CDC42SE2: variants seen among roughly 807,000 people sequenced by gnomAD.
CDC42SE2 encodes the protein CDC42 small effector 2, also known as CDC42 small effector protein 2.
A neutral mutation model predicts 11.5 loss-of-function variants in CDC42SE2; 3 were observed. That is an observed-to-expected ratio of 0.26 (90% CI 0.12 to 0.67). The LOEUF (loss-of-function observed/expected upper bound fraction) is 0.67. CDC42SE2 is among the 30% of genes least tolerant of loss of function. The pLI is 0.80. For missense variants in CDC42SE2, 82 were observed against 106.8 expected, an observed-to-expected ratio of 0.77 and a Z score of 1.02; for synonymous variants, 33 against 34.8, an observed-to-expected ratio of 0.95 and a Z score of 0.18.
At chr5:131,231,660 C>A in the CDC42SE2 span, among the ~76,000 whole-genome samples, 1 of 152,080 alleles carries the variant, frequency 6.6e-6, no homozygotes, top group Admixed American at 6.6e-5. Flanking sequence ...ATTGTGATTT[C>A]TGATGTATTT....
At chr5:131,214,494 T>C in the CDC42SE2 span, among the ~76,000 whole-genome samples, 4 of 152,182 alleles carry the variant, frequency 2.6e-5, no homozygotes, top group African/African-American at 9.7e-5. Flanking sequence ...ATGTAGCCTT[T>C]TTTTTCCCCT....
At chr5:131,236,449 C>G in the CDC42SE2 span, among the ~76,000 whole-genome samples, 22 of 151,858 alleles carry the variant, frequency 1.4e-4, no homozygotes, top group Non-Finnish European at 2.8e-4. Flanking sequence ...TTTTTTGAGA[C>G]GGAGTCTTGC....
chr5:131,210,711 G>A, the CDC42SE2 span, among the ~76,000 whole-genome samples: 1 of 152,114 alleles, frequency 6.6e-6, no homozygotes, highest in African/African-American at 2.4e-5. Context: ...GGTATTCTAG[G>A]TAGAGGTTTT....
rs374599857 is a variant in CDC42SE2 at position 131,366,081 on chromosome 5, A to T, written c.54+6534A>T. Among the ~76,000 whole-genome samples the T allele has an allele frequency of 2.0e-5, 3 of 152,220 alleles. No individual in the cohort carries two copies. The South Asian group carries it at 6.2e-4, about 32-fold the overall frequency. ...CTGATTCAAATGTTTTAACTGTACT[A>T]CTAAACCTAGAAATTCTAAAGACTA... On this transcript the variant is annotated intron_variant, in intron 3 of 4. Transcript: ENST00000505065.
rs202148520 is a variant in CDC42SE2 at position 131,307,054 on chromosome 5, CT to C, written c.-454-8913del. On this transcript the variant is annotated intron_variant, in intron 1 of 4. Transcript: ENST00000505065. The stretch of plus-strand genomic sequence containing the variant: ...CAAACAGATACAATTTCTCTTCTTC[CT>C]TTTTTTTTAATTTTTTTATTATTAT... 4.1e-4 allele frequency among the ~76,000 whole-genome samples: 62 copies of C among 149,476 alleles called. 1 individual carries two copies. The highest frequency in any genetic ancestry group is 1.5e-3 in the African/African-American group (59 of 40,252).
At chr5:131,354,983 A>G (rs1170950820) in intron 2 of CDC42SE2, among the ~76,000 whole-genome samples, 2 of 152,154 alleles carry the variant, frequency 1.3e-5, no homozygotes, top group Non-Finnish European at 2.9e-5. Flanking sequence ...GTGCCCAGCC[A>G]GAATTTTTTG....
intron 1 of CDC42SE2, among the ~76,000 whole-genome samples, chr5:131,293,654 A>G (rs370137807): frequency 4.6e-5 from 7 of 152,092 alleles, no homozygotes; most frequent in Non-Finnish European, 1.0e-4. Flanking sequence ...AGCTTCCACA[A>G]CTATGAGAAA....
At chr5:131,329,847 C>G (rs575214898) in intron 2 of CDC42SE2, among the ~76,000 whole-genome samples, 123 of 122,284 alleles carry the variant, frequency 1.0e-3, no homozygotes, top group African/African-American at 3.6e-3. Flanking sequence ...CCATTGCCCT[C>G]CAGCCTGGGC....
chr5:131,301,389 C>T (rs767262810), intron 1 of CDC42SE2, among the ~76,000 whole-genome samples: 1 of 152,130 alleles, frequency 6.6e-6, no homozygotes, highest in Non-Finnish European at 1.5e-5. Context: ...ATGCCAATTA[C>T]CCCGACCACT....
At position 131,324,754 on chromosome 5, in the gene CDC42SE2, T is replaced by C. The variant is rs1032401062; in HGVS notation, c.-286+8610T>C. ...AGAGTAGCTATATTATCTTCTCCTT[T>C]AGTATAAAAAAATACCCCAGATACT... On this transcript the variant is annotated intron_variant, in intron 2 of 4. Coordinates refer to ENST00000505065, the MANE Select transcript of CDC42SE2 (RefSeq NM_001375635.1). 2.6e-5 allele frequency among the ~76,000 whole-genome samples: 4 copies of C among 152,302 alleles called. No homozygotes were observed. In the East Asian group the frequency reaches 7.7e-4, roughly 29 times the overall value.
chr5:131,385,610 T>C lies in CDC42SE2; in HGVS notation c.122T>C (p.Val41Ala). 1 of 1,613,700 alleles carries C rather than the reference T, an allele frequency of 6.2e-7. No individual in the cohort carries two copies. Among genetic ancestry groups the C allele is most frequent in the South Asian group, 1.1e-5 (1 of 91,072 alleles). ...EPTNFVHTAH[V>A]GSGDLFSGMN... ...ACAAACTTTGTGCATACAGCTCATG[T>C]TGGATCAGGAGACCTGTTCAGTGGA... The change falls in exon 4 of 5, where the codon GTT becomes GCT. Residue 41 changes from valine to alanine, a missense_variant. Val to Ala is a moderately conservative substitution (Grantham distance 64, BLOSUM62 0). Transcript: ENST00000505065.
At chr5:131,353,769 C>T (rs1179655672) in intron 2 of CDC42SE2, among the ~76,000 whole-genome samples, 3 of 151,716 alleles carry the variant, frequency 2.0e-5, no homozygotes, top group South Asian at 2.1e-4. Flanking sequence ...ATTAGCTGGG[C>T]GTGGTGGTGG....
At chr5:131,301,253 T>A (rs1174761515) in intron 1 of CDC42SE2, among the ~76,000 whole-genome samples, 1 of 152,110 alleles carries the variant, frequency 6.6e-6, no homozygotes, top group Non-Finnish European at 1.5e-5. Context: ...ATAGGAGGAA[T>A]ACGTTCTAGT....
chr5:131,382,640 C>G (rs187381758), intron 3 of CDC42SE2, among the ~76,000 whole-genome samples: 45 of 152,302 alleles, frequency 3.0e-4, no homozygotes, highest in Non-Finnish European at 4.9e-4. Flanking sequence ...AAGTGGCTCT[C>G]TCTGCATATC....
chr5:131,306,618 T>C (rs976281757), intron 1 of CDC42SE2, among the ~76,000 whole-genome samples: 3 of 152,228 alleles, frequency 2.0e-5, no homozygotes, highest in African/African-American at 7.2e-5. Context: ...TTTTTCTATT[T>C]CTGTGAAAAA....
chr5:131,294,803 C>T (rs1757533086), intron 1 of CDC42SE2, among the ~76,000 whole-genome samples: 1 of 151,966 alleles, frequency 6.6e-6, no homozygotes, highest in South Asian at 2.1e-4. Flanking sequence ...ACCAGCCTGG[C>T]CAACATGGCA....
At chr5:131,379,832 T>A (rs1750266077) in intron 3 of CDC42SE2, among the ~76,000 whole-genome samples, 1 of 152,206 alleles carries the variant, frequency 6.6e-6, no homozygotes, top group African/African-American at 2.4e-5. Context: ...CAACTGTTAA[T>A]ACGTATCAGA....
At chr5:131,229,896 T>C in the CDC42SE2 span, among the ~76,000 whole-genome samples, 1 of 152,134 alleles carries the variant, frequency 6.6e-6, no homozygotes, top group Non-Finnish European at 1.5e-5. Flanking sequence ...ATTACGCCAC[T>C]GCACTCCAGC....
the CDC42SE2 span, among the ~76,000 whole-genome samples, chr5:131,239,720 C>T: frequency 0.34 from 52,390 of 151,946 alleles, 13,461 homozygotes; most frequent in African/African-American, 0.73. Context: ...AATATTAATG[C>T]CTCAGCTTGG....
Sources: allele counts gnomAD v4.1 joint callset (sites outside exome capture counted in the v4.1 genomes callset), GRCh38; gene constraint gnomAD v4.1.1; transcripts MANE v1.5; gene names NCBI Gene and HGNC (gene_info 2026-07-23, HGNC 2026-07-21).